Variants in DOCK4 observed in about 807,000 individuals in gnomAD.
The protein encoded by DOCK4 is dedicator of cytokinesis protein 4.
Under a neutral mutation model 268.1 loss-of-function variants are expected in DOCK4, and 97 were observed. The ratio of observed to expected loss-of-function variants is 0.36; its 90% CI spans 0.31 to 0.43. The LOEUF (loss-of-function observed/expected upper bound fraction) is 0.43. DOCK4 is among the 20% of genes least tolerant of loss of function. DOCK4 has a pLI of 1.00. For missense variants in DOCK4, 2,145 were observed against 2,455.7 expected (o/e 0.87, Z 2.67); for synonymous variants, 954 against 887.2 (o/e 1.08, Z -1.34).
intron 1 of DOCK4, among the ~76,000 whole-genome samples, chr7:112,141,002 A>C (rs1814869670): frequency 6.6e-6 from 1 of 151,520 alleles, no homozygotes; most frequent in South Asian, 2.1e-4. Flanking sequence ...CTTCCTCCAA[A>C]ACCCAGAGTC....
chr7:111,954,224 G>C (rs1392653610), intron 8 of DOCK4, among the ~76,000 whole-genome samples: 2 of 152,140 alleles, frequency 1.3e-5, no homozygotes, highest in Non-Finnish European at 2.9e-5. Context: ...GAATAACAAA[G>C]GACAATTCAG....
chr7:111,938,973 CAAAA>C (rs557205821), intron 11 of DOCK4, among the ~76,000 whole-genome samples: 2 of 53,694 alleles, frequency 3.7e-5, no homozygotes, highest in Non-Finnish European at 4.0e-5. Context: ...GACTCTGTCT[CAAAA>C]AAAAAAAAAA....
At chr7:111,792,377 TTTGTTG>T (rs1054723271) in intron 30 of DOCK4, among the ~76,000 whole-genome samples, 2 of 152,002 alleles carry the variant, frequency 1.3e-5, no homozygotes, top group East Asian at 1.9e-4. Context: ...TTAGAGGGTT[TTTGTTG>T]TTGTTGTTGT....
chr7:111,922,669 C>A (rs920024060), intron 12 of DOCK4, among the ~76,000 whole-genome samples: 2 of 152,142 alleles, frequency 1.3e-5, no homozygotes, highest in Admixed American at 1.3e-4. Context: ...GCAACCTCCA[C>A]CTCCCAGGTT....
chr7:111,778,051 C>T (rs1237703629), intron 36 of DOCK4, among the ~76,000 whole-genome samples: 1 of 152,120 alleles, frequency 6.6e-6, no homozygotes, highest in East Asian at 1.9e-4. Context: ...ATCCCCAGAG[C>T]AACCTCTGAA....
At chr7:111,812,817 C>T (rs1005937634) in intron 27 of DOCK4, among the ~76,000 whole-genome samples, 2 of 152,212 alleles carry the variant, frequency 1.3e-5, no homozygotes, top group Non-Finnish European at 1.5e-5. Context: ...TAACCCAGTA[C>T]GAAGCTGTGT....
At chr7:111,807,855 G>C (rs1463618482) in intron 30 of DOCK4, 3 of 151,192 alleles carry the variant, frequency 2.0e-5, no homozygotes, top group Non-Finnish European at 4.4e-5. Flanking sequence ...ATATACCAAG[G>C]CTCCCTCAAG....
At chr7:112,116,050 C>G (rs1216915170) in intron 1 of DOCK4, among the ~76,000 whole-genome samples, 1 of 152,080 alleles carries the variant, frequency 6.6e-6, no homozygotes, top group African/African-American at 2.4e-5. Flanking sequence ...GTGTACAACT[C>G]ATGACACTAA....
chr7:111,871,501 G>A (rs1369509138), intron 20 of DOCK4, among the ~76,000 whole-genome samples: 1 of 152,186 alleles, frequency 6.6e-6, no homozygotes, highest in East Asian at 1.9e-4. Flanking sequence ...CCAGGGACCA[G>A]GTCTTCACAT....
At chr7:111,976,311 ATATATATG>A (rs1233596817) in intron 8 of DOCK4, among the ~76,000 whole-genome samples, 1 of 86,288 alleles carries the variant, frequency 1.2e-5, no homozygotes, top group African/African-American at 4.6e-5. Context: ...ATATATATAT[ATATATATG>A]AGACTCGGTA....
chr7:111,983,836 ACACACACACGCGCGCGCGCGCGCGCG>A (rs1183957333), intron 7 of DOCK4, among the ~76,000 whole-genome samples: 58 of 92,816 alleles, frequency 6.2e-4, no homozygotes, highest in Admixed American at 1.7e-3. Context: ...TTATGTATGT[ACACACACACGCGCGCGCGCGCGCGCG>A]CACACACACA....
At chr7:111,834,531 A>C in intron 26 of DOCK4, 57 bp downstream of exon 26, 1 of 1,322,056 alleles carries the variant, frequency 7.6e-7, no homozygotes, top group Non-Finnish European at 1.0e-6. Flanking sequence ...AGTGATGAAT[A>C]AAAACAAGAT....
intron 1 of DOCK4, among the ~76,000 whole-genome samples, chr7:112,034,965 T>C (rs1803621946): frequency 6.6e-6 from 1 of 152,122 alleles, no homozygotes; most frequent in South Asian, 2.1e-4. Flanking sequence ...CCAGCCATCT[T>C]TTTATGCTCT....
chr7:111,940,165 T>C lies in DOCK4; in HGVS notation c.922A>G (p.Ile308Val), dbSNP rs775370367. The change falls in exon 11 of 53, where the codon ATC (isoleucine) becomes GTC (valine). Residue 308 changes from isoleucine to valine, a missense_variant. By Grantham distance (29) the Ile-to-Val change is conservative. Around this residue, in one of 2 missense-constraint regions of DOCK4, gnomAD observed 1,598 missense variants for 1,986.7 expected, o/e 0.80. Coordinates refer to ENST00000428084, the MANE Select transcript of DOCK4 (RefSeq NM_001363540.2). ...RRPFGCAVLS[I>V]ADLLTGETKD... ...GTCTCTCCTGTTAGCAGGTCAGCGA[T>C]GCTAAGAACTGCACAGCCAAAGGGT... 3 of 1,613,936 alleles carry C rather than the reference T, an allele frequency of 1.9e-6. No individual in the cohort carries two copies. Among genetic ancestry groups the C allele is most frequent in the African/African-American group, 1.3e-5 (1 of 74,942 alleles).
At chr7:111,998,990 T>C (rs1040542549) in intron 3 of DOCK4, among the ~76,000 whole-genome samples, 2 of 152,150 alleles carry the variant, frequency 1.3e-5, no homozygotes, top group African/African-American at 4.8e-5. Flanking sequence ...TTATGGAAGA[T>C]TTTTGATGAC....
At chr7:112,154,330 T>C (rs1007540381) in intron 1 of DOCK4, among the ~76,000 whole-genome samples, 1 of 152,174 alleles carries the variant, frequency 6.6e-6, no homozygotes, top group African/African-American at 2.4e-5. Context: ...ACAACATACA[T>C]GAAGAAAGCA....
At chr7:111,955,744 T>G (rs553541575) in intron 8 of DOCK4, among the ~76,000 whole-genome samples, 1 of 152,220 alleles carries the variant, frequency 6.6e-6, no homozygotes, top group Non-Finnish European at 1.5e-5. Context: ...TCAGATCAGC[T>G]GCTGTTTCAC....
intron 8 of DOCK4, 146 bp from the exon 9 acceptor site, chr7:111,945,944 T>G: frequency 1.6e-6 from 1 of 621,138 alleles, no homozygotes; most frequent in East Asian, 2.8e-5. Flanking sequence ...TTAGGAGAGC[T>G]CCGAAGACAA....
chr7:111,984,468 A>C, intron 6 of DOCK4, 78 bp from the exon 7 acceptor site: 6 of 1,246,062 alleles, frequency 4.8e-6, no homozygotes. Flanking sequence ...TTTTTACTAT[A>C]TCACTTGGAA....
Sources: gnomAD v4.1 joint callset for allele counts (sites outside exome capture counted in the v4.1 genomes callset) on GRCh38, gnomAD v4.1.1 for gene constraint, gnomAD v4.1.1 regional missense constraint, MANE v1.5 for transcripts, NCBI Gene and HGNC (gene_info 2026-07-23, HGNC 2026-07-21) for gene names.